COL14A1: variants seen among roughly 807,000 people sequenced by gnomAD.
COL14A1 encodes collagen type XIV alpha 1 chain.
COL14A1 carries 136 observed loss-of-function variants against 230.3 expected under a neutral mutation model. The observed-to-expected ratio is 0.59, with a 90% CI of 0.51 to 0.68. The LOEUF (loss-of-function observed/expected upper bound fraction) is 0.68. Ranked by LOEUF, COL14A1 falls within the 30% of genes least tolerant of loss-of-function variation. The pLI is 0.00. For missense variants in COL14A1, 1,976 were observed against 2,215.8 expected (o/e 0.89, Z 2.17); for synonymous variants, 792 against 784.1 (o/e 1.01, Z -0.17).
At chr8:120,274,016 G>A (rs1321168683) in intron 26 of COL14A1, among the ~76,000 whole-genome samples, 3 of 151,638 alleles carry the variant, frequency 2.0e-5, no homozygotes, top group Non-Finnish European at 4.4e-5. Flanking sequence ...AACCAGTAGA[G>A]GACATAATGA....
At chr8:120,290,020 A>G (rs1269595068) in intron 34 of COL14A1, among the ~76,000 whole-genome samples, 2 of 152,176 alleles carry the variant, frequency 1.3e-5, no homozygotes, top group Non-Finnish European at 2.9e-5. Context: ...ATGCATTAGG[A>G]ATTAGGCTAG....
chr8:120,322,382 TA>T (rs1189998985), intron 40 of COL14A1, among the ~76,000 whole-genome samples: 1 of 152,148 alleles, frequency 6.6e-6, no homozygotes, highest in African/African-American at 2.4e-5. Flanking sequence ...GAACTTAAAA[TA>T]AAAATAAAAT....
At chr8:120,259,804 C>T (rs919753911) in intron 23 of COL14A1, among the ~76,000 whole-genome samples, 1 of 152,066 alleles carries the variant, frequency 6.6e-6, no homozygotes, top group Admixed American at 6.6e-5. Flanking sequence ...CAGTATGATC[C>T]ACGCATAAAA....
intron 12 of COL14A1, among the ~76,000 whole-genome samples, chr8:120,210,816 G>C (rs1255714530): frequency 6.6e-6 from 1 of 152,106 alleles, no homozygotes; most frequent in Non-Finnish European, 1.5e-5. Flanking sequence ...GTGAATCTGA[G>C]TGTCAAGAAC....
chr8:120,344,637 G>A (rs1315511127), intron 44 of COL14A1, among the ~76,000 whole-genome samples: 2 of 152,162 alleles, frequency 1.3e-5, no homozygotes, highest in Non-Finnish European at 2.9e-5. Context: ...TGAAGAAATT[G>A]TTACTATTTT....
At chr8:120,188,595 T>C (rs1477359213) in intron 5 of COL14A1, among the ~76,000 whole-genome samples, 1 of 152,224 alleles carries the variant, frequency 6.6e-6, no homozygotes, top group African/African-American at 2.4e-5. Flanking sequence ...TTGAGTGCTT[T>C]TCTTTAAGTT....
chr8:120,231,520 C>T lies in COL14A1; in HGVS notation c.2251C>T (p.Leu751=), dbSNP rs759991668. The part of the protein sequence containing the change: ...LVVGDETTSS[L]RVKWDISDSD... ...TGTAGGTGATGAAACTACTTCTAGC[C>T]TGCGGGTAAAATGGGACATTTCTGA... The change falls in exon 19 of 48, where the codon CTG becomes TTG. Residue 751 remains leucine (L), a synonymous_variant. Transcript: ENST00000297848. The T allele has an allele frequency of 1.2e-6, 2 of 1,613,912 alleles. No homozygotes were observed. The highest frequency in any genetic ancestry group is 4.5e-5 in the East Asian group (2 of 44,872).
intron 36 of COL14A1, among the ~76,000 whole-genome samples, chr8:120,308,056 A>C (rs1423816536): frequency 6.6e-6 from 1 of 152,170 alleles, no homozygotes; most frequent in Non-Finnish European, 1.5e-5. Flanking sequence ...ATCTCGGCTC[A>C]CTGCAACCTC....
At chr8:120,221,036 T>C (rs1270306539) in intron 14 of COL14A1, among the ~76,000 whole-genome samples, 1 of 152,182 alleles carries the variant, frequency 6.6e-6, no homozygotes, top group Non-Finnish European at 1.5e-5. Context: ...ACAGAAGTCA[T>C]CTCAGGTAGC....
intron 14 of COL14A1, among the ~76,000 whole-genome samples, chr8:120,218,972 C>A (rs1817848157): frequency 6.6e-6 from 1 of 151,758 alleles, no homozygotes; most frequent in South Asian, 2.1e-4. Flanking sequence ...TGTAGAGCAT[C>A]CTCCTTTGGT....
intron 45 of COL14A1, among the ~76,000 whole-genome samples, chr8:120,364,709 G>A (rs1406788000): frequency 1.3e-5 from 2 of 151,858 alleles, no homozygotes; most frequent in Non-Finnish European, 2.9e-5. Flanking sequence ...ATGGTGAAAC[G>A]TTGTCTCTAC....
At chr8:120,257,393 C>G (rs1321805575) in intron 23 of COL14A1, among the ~76,000 whole-genome samples, 1 of 152,132 alleles carries the variant, frequency 6.6e-6, no homozygotes, top group East Asian at 1.9e-4. Flanking sequence ...TATTATTTAT[C>G]AACTGGACAG....
chr8:120,240,356 T>C (rs1183376731), intron 19 of COL14A1, among the ~76,000 whole-genome samples: 1 of 152,172 alleles, frequency 6.6e-6, no homozygotes, highest in Non-Finnish European at 1.5e-5. Context: ...ATCAGTGTTT[T>C]ATGAAGTGTT....
In COL14A1 at chr8:120,345,377, C is replaced by A; in HGVS notation, c.4891C>A (p.His1631Asn). The stretch of plus-strand genomic sequence containing the variant: ...TGTCTTTATGCTTCATACCTCAGGT[C>A]ACATGGCCAGGTACACTGCCATCCT... ...RQVCEQLIQS[H>N]MARYTAILNQ... Residue 1631 changes from histidine (H) to asparagine (N), a missense_variant and splice_region_variant, in exon 45 of 48, where the codon CAC becomes AAC. Transcript: ENST00000297848. 2 of 1,583,008 alleles carry A rather than the reference C, an allele frequency of 1.3e-6. No individual in the cohort carries two copies. Among genetic ancestry groups the A allele is most frequent in the South Asian group, 2.3e-5 (2 of 85,234 alleles).
chr8:120,191,453 C>T (rs1350925407), intron 5 of COL14A1, among the ~76,000 whole-genome samples: 7 of 151,102 alleles, frequency 4.6e-5, no homozygotes, highest in South Asian at 2.1e-4. Context: ...CTGAGGAGAG[C>T]TTTACTTCCA....
intron 34 of COL14A1, among the ~76,000 whole-genome samples, chr8:120,295,227 CA>C (rs1172034626): frequency 1.3e-5 from 2 of 151,778 alleles, no homozygotes; most frequent in Admixed American, 6.6e-5. Context: ...TGTCCCAAGA[CA>C]AAATGGCATT....
chr8:120,250,786 G>T lies in COL14A1; in HGVS notation c.2752+20G>T, dbSNP rs1818918669. 8 of 1,613,020 alleles carry T rather than the reference G, an allele frequency of 5.0e-6. No individual in the cohort carries two copies. Among genetic ancestry groups the T allele is most frequent in the Non-Finnish European group, 6.8e-6 (8 of 1,179,810 alleles). ...AAACATGTAAGAGCCATTTCCGATGGCCTCAGCCGCATATGGGTTTTTGTT... is the reference window on the plus strand; with the variant it reads ...AAACATGTAAGAGCCATTTCCGATGTCCTCAGCCGCATATGGGTTTTTGTT... On this transcript the variant is annotated intron_variant, in intron 22 of 47. Coordinates refer to ENST00000297848, the MANE Select transcript of COL14A1 (RefSeq NM_021110.4).
intron 19 of COL14A1, 117 bp from the exon 20 acceptor site, chr8:120,243,762 C>T: frequency 1.6e-6 from 2 of 1,238,302 alleles, no homozygotes; most frequent in East Asian, 2.5e-5. Context: ...TTTCTCCTCA[C>T]TCTCAAAGCA....
chr8:120,143,976 T>G (rs1389755783), intron 1 of COL14A1, among the ~76,000 whole-genome samples: 1 of 152,160 alleles, frequency 6.6e-6, no homozygotes, highest in African/African-American at 2.4e-5. Context: ...TTCTTTTGAG[T>G]CCTGTAATCA....
Sources: gnomAD v4.1 joint callset for allele counts (sites outside exome capture counted in the v4.1 genomes callset) on GRCh38, gnomAD v4.1.1 for gene constraint, MANE v1.5 for transcripts, NCBI Gene and HGNC (gene_info 2026-07-23, HGNC 2026-07-21) for gene names.